NXN: variants seen among roughly 807,000 people sequenced by gnomAD.
NXN encodes nucleoredoxin 1.
In NXN, 16 loss-of-function variants were observed where a neutral mutation model predicts 48.6. The observed-to-expected ratio is 0.33, with a 90% confidence interval of 0.22 to 0.50. The LOEUF (loss-of-function observed/expected upper bound fraction) is 0.50, where lower values mean the gene tolerates loss of function less well. Among genes scored for constraint, NXN ranks in the 20% least tolerant of loss-of-function variants. NXN has a pLI of 0.98. For synonymous variants in NXN, 281 were observed against 269.6 expected (o/e 1.04, Z -0.41); for missense variants, 492 against 605.5 (o/e 0.81, Z 1.97).
At chr17:864,214 C>T (rs1045087538) in intron 1 of NXN, 20 of 1,345,716 alleles carry the variant, frequency 1.5e-5, no homozygotes, top group Non-Finnish European at 1.9e-5. Context: ...ACAGGATGGG[C>T]ATTCATGGTA....
intron 1 of NXN, among the ~76,000 whole-genome samples, chr17:948,152 CAATGTATTA>C (rs1270168024): frequency 1.3e-5 from 2 of 151,892 alleles, no homozygotes; most frequent in East Asian, 3.9e-4. Context: ...ATTTACATAG[CAATGTATTA>C]GATGTATTAG....
intron 5 of NXN, among the ~76,000 whole-genome samples, chr17:812,134 A>T (rs11247559): frequency 0.4 from 59,731 of 149,174 alleles, 12,108 homozygotes; most frequent in East Asian, 0.53. Context: ...TCACCGTGTT[A>T]GCCAGGACGG....
chr17:837,942 AAAC>A (rs1334980544), intron 1 of NXN, among the ~76,000 whole-genome samples: 2 of 152,164 alleles, frequency 1.3e-5, no homozygotes, highest in African/African-American at 4.8e-5. Flanking sequence ...GAGGTTCACA[AAAC>A]AACATGTCCA....
intron 1 of NXN, among the ~76,000 whole-genome samples, chr17:868,416 C>A (rs749777834): frequency 3.9e-5 from 6 of 152,270 alleles, no homozygotes; most frequent in Non-Finnish European, 8.8e-5. Context: ...CTCTCACCCG[C>A]AGACTTAACG....
At chr17:845,231 C>A (rs559114349) in intron 1 of NXN, among the ~76,000 whole-genome samples, 8 of 151,712 alleles carry the variant, frequency 5.3e-5, no homozygotes, top group Non-Finnish European at 1.2e-4. Flanking sequence ...AGAGAGAATT[C>A]CACCCTTCTA....
intron 1 of NXN, chr17:959,262 T>C (rs772169469): frequency 1.7e-6 from 1 of 586,930 alleles, no homozygotes; most frequent in Non-Finnish European, 2.6e-6. Context: ...AAAGCCTTCC[T>C]TTCCCCTCCA....
chr17:809,126 T>C (rs1319573739), intron 5 of NXN, among the ~76,000 whole-genome samples: 1 of 152,156 alleles, frequency 6.6e-6, no homozygotes, highest in Non-Finnish European at 1.5e-5. Flanking sequence ...GCAGAGACAC[T>C]GTCAAGACCG....
chr17:957,912 G>A (rs778807968), intron 1 of NXN, among the ~76,000 whole-genome samples: 6 of 152,056 alleles, frequency 3.9e-5, no homozygotes, highest in South Asian at 2.1e-4. Context: ...CGTCAGCATC[G>A]CCCAGAATGT....
intron 1 of NXN, among the ~76,000 whole-genome samples, chr17:844,561 G>A (rs912648427): frequency 4.6e-5 from 7 of 152,132 alleles, no homozygotes; most frequent in African/African-American, 1.7e-4. Context: ...AGGTTTCTAC[G>A]TACAAGGTTT....
chr17:938,464 G>A (rs1046181956), intron 1 of NXN, among the ~76,000 whole-genome samples: 3 of 149,280 alleles, frequency 2.0e-5, no homozygotes, highest in African/African-American at 7.7e-5. Context: ...GGCGGATCAC[G>A]AGGTCAGGAG....
chr17:872,174 G>A (rs1297244489), intron 1 of NXN, among the ~76,000 whole-genome samples: 2 of 150,866 alleles, frequency 1.3e-5, no homozygotes, highest in Non-Finnish European at 3.0e-5. Context: ...TGCTGAACCC[G>A]TGAATCAAAG....
chr17:958,641 T>C lies in NXN; in HGVS notation c.360+20678A>G, dbSNP rs908326316. On this transcript the variant is annotated intron_variant, in intron 1 of 7. Coordinates refer to ENST00000336868, the MANE Select transcript of NXN (RefSeq NM_022463.5). This position sits in a 1 kb window ranked among gnomAD's most constrained non-coding sequence, Gnocchi z 6.9. ...CAAAAATTAGCCAGGCGTGGTGGCG[T>C]GCGCCTGTAGTCCCAGCTACTCAGG... Among the ~76,000 whole-genome samples, 7 of 151,974 alleles carry C rather than the reference T, an allele frequency of 4.6e-5. No homozygotes were observed. Among genetic ancestry groups the C allele is most frequent in the South Asian group, 2.1e-4 (1 of 4,818 alleles).
chr17:869,640 GC>G (rs1224498722), intron 1 of NXN, among the ~76,000 whole-genome samples: 1 of 152,240 alleles, frequency 6.6e-6, no homozygotes, highest in Non-Finnish European at 1.5e-5. Flanking sequence ...CACTCAGGGA[GC>G]CCTCCCCACT....
intron 1 of NXN, among the ~76,000 whole-genome samples, chr17:889,842 C>T (rs903187268): frequency 1.3e-5 from 2 of 152,158 alleles, no homozygotes; most frequent in African/African-American, 4.8e-5. Context: ...TGAGGAATGA[C>T]ACTCGGGTTT....
At chr17:805,809 G>T (rs1567808010) in intron 5 of NXN, among the ~76,000 whole-genome samples, 2 of 152,146 alleles carry the variant, frequency 1.3e-5, no homozygotes, top group Admixed American at 6.5e-5. Flanking sequence ...CTGCACTCCA[G>T]CCTGGACAAC....
intron 1 of NXN, among the ~76,000 whole-genome samples, chr17:925,482 G>C (rs1346158152): frequency 1.3e-5 from 2 of 152,150 alleles, no homozygotes; most frequent in African/African-American, 4.8e-5. Flanking sequence ...TCCGCCTCCC[G>C]GGTTCAAGCG....
At chr17:863,872 A>T in intron 1 of NXN, 1 of 1,147,148 alleles carries the variant, frequency 8.7e-7, no homozygotes, top group Non-Finnish European at 1.3e-6. Flanking sequence ...GGGAAAAAAC[A>T]TACCCACTGC....
intron 1 of NXN, among the ~76,000 whole-genome samples, chr17:924,064 C>G (rs1044906643): frequency 1.3e-5 from 2 of 150,636 alleles, no homozygotes; most frequent in African/African-American, 4.9e-5. Context: ...TTCAAATTCT[C>G]AAAAAGTTTT....
chr17:897,597 G>A lies in NXN; in HGVS notation c.361-71519C>T, dbSNP rs59345148. Among the ~76,000 whole-genome samples, 295 of 152,238 alleles carry A rather than the reference G, an allele frequency of 1.9e-3. 2 individuals are homozygous for A. Among genetic ancestry groups the A allele is most frequent in the African/African-American group, 6.4e-3 (265 of 41,558 alleles). ...CTGCCTATTAGCTTCACAATGCCCC[G>A]TCCTAGGGCAATCCGCAAAGATTTC... On this transcript the variant is annotated intron_variant, in intron 1 of 7. Coordinates refer to ENST00000336868, the MANE Select transcript of NXN (RefSeq NM_022463.5).
Sources: allele counts gnomAD v4.1 joint callset (sites outside exome capture counted in the v4.1 genomes callset), GRCh38; gene constraint gnomAD v4.1.1; non-coding constraint Gnocchi (gnomAD v3.1); transcripts MANE v1.5; gene names NCBI Gene and HGNC (gene_info 2026-07-23, HGNC 2026-07-21).